ETNK1: variants seen among roughly 807,000 people sequenced by gnomAD.
ETNK1 encodes the protein putative protein product of Nbla10396.
ETNK1 carries 8 observed loss-of-function variants against 45.1 expected under a neutral mutation model. The ratio of observed to expected loss-of-function variants is 0.18; its 90% CI spans 0.10 to 0.32. The LOEUF (loss-of-function observed/expected upper bound fraction) is 0.32, where lower values mean the gene tolerates loss of function less well. Among genes scored for constraint, ETNK1 ranks in the 10% least tolerant of loss-of-function variants. The pLI, the probability that ETNK1 is intolerant of heterozygous loss-of-function variation, is 1.00. For synonymous variants in ETNK1, 152 were observed against 151.9 expected, an observed-to-expected ratio of 1.00 and a Z score of -0.01; for missense variants, 302 against 430.6, an observed-to-expected ratio of 0.70 and a Z score of 2.64.
chr12:22,683,108 C>T (rs1265353182), intron 6 of ETNK1, among the ~76,000 whole-genome samples: 2 of 152,072 alleles, frequency 1.3e-5, no homozygotes, highest in Admixed American at 6.6e-5. Context: ...AGGAAATAAA[C>T]GCACCACGTG....
At chr12:22,664,033 C>T (rs893131756) in intron 4 of ETNK1, among the ~76,000 whole-genome samples, 1 of 151,752 alleles carries the variant, frequency 6.6e-6, no homozygotes, top group Non-Finnish European at 1.5e-5. Context: ...GCTTACTTAA[C>T]CTAGTCTTTA....
intron 7 of ETNK1, 66 bp from the exon 8 acceptor site, chr12:22,684,816 A>G (rs1458159501): frequency 7.7e-7 from 1 of 1,301,350 alleles, no homozygotes; most frequent in Non-Finnish European, 1.1e-6. Flanking sequence ...GGACTGAGTG[A>G]AAATAAGGGA....
intron 4 of ETNK1, among the ~76,000 whole-genome samples, chr12:22,663,752 T>G (rs996884939): frequency 2.6e-5 from 4 of 152,136 alleles, no homozygotes; most frequent in Non-Finnish European, 5.9e-5. Flanking sequence ...TTTGATACAT[T>G]TTTTAGAATT....
chr12:22,658,960 C>A, intron 2 of ETNK1, 54 bp from the exon 3 acceptor site: 1 of 1,550,114 alleles, frequency 6.5e-7, no homozygotes, highest in East Asian at 2.3e-5. Flanking sequence ...TGTCAGGAGA[C>A]ATGACCTTTA....
intron 1 of ETNK1, among the ~76,000 whole-genome samples, chr12:22,638,121 G>A (rs1021308093): frequency 4.6e-5 from 7 of 152,134 alleles, no homozygotes. Flanking sequence ...AAGAAATTTG[G>A]CAGAGAAGGG....
chr12:22,656,200 T>G (rs1953938907), intron 2 of ETNK1, among the ~76,000 whole-genome samples: 1 of 152,210 alleles, frequency 6.6e-6, no homozygotes, highest in African/African-American at 2.4e-5. Context: ...AAGATTACAT[T>G]TTTTTAATAC....
chr12:22,684,302 T>C (rs1220303043), intron 6 of ETNK1, among the ~76,000 whole-genome samples, 181 bp from the exon 7 acceptor site: 1 of 152,116 alleles, frequency 6.6e-6, no homozygotes, highest in Non-Finnish European at 1.5e-5. Context: ...ACGAAAGTGA[T>C]CTGTAGCCAT....
rs1954275871 is a variant in ETNK1 at position 22,688,164 on chromosome 12, A to G, written c.*3210A>G. ...AATTTTTTTCTACAAAAAAACCTTG[A>G]AATTTTAGATATCCCAATGTGAATC... On this transcript the variant is annotated 3_prime_UTR_variant, in exon 8 of 8. Transcript: ENST00000266517. The G allele has an allele frequency of 6.6e-6, 1 of 151,808 alleles. No individual in the cohort carries two copies. Among genetic ancestry groups the G allele is most frequent in the African/African-American group, 2.4e-5 (1 of 41,418 alleles). The allele number at this position is 151,808 out of a possible 1,614,324, so 9.4% of individuals were successfully genotyped here.
intron 1 of ETNK1, among the ~76,000 whole-genome samples, chr12:22,635,336 G>GT (rs1953641925): frequency 1.3e-5 from 2 of 152,246 alleles, no homozygotes; most frequent in African/African-American, 4.8e-5. Context: ...AGAAGGGTGT[G>GT]TGTAGACCAG....
At position 22,679,707 on chromosome 12, in the gene ETNK1, T is replaced by TG. The variant is rs1487759633; in HGVS notation, c.946-4776_946-4775insG. Among the ~76,000 whole-genome samples the TG allele has an allele frequency of 1.6e-4, 24 of 150,922 alleles. No homozygotes were observed. In the East Asian group the frequency reaches 4.7e-3, roughly 29 times the overall value. On this transcript the variant is annotated intron_variant, in intron 6 of 7. Transcript: ENST00000266517. The stretch of plus-strand genomic sequence containing the variant: ...TTTTTTGTTCTTGGTTTTTTGTTTT[T>TG]TTTTTTTTTTTGATATGGAGTCTCA...
At position 22,687,483 on chromosome 12, in the gene ETNK1, T is replaced by A. The variant is rs1954270660; in HGVS notation, c.*2529T>A. 1 of 152,284 alleles carries A rather than the reference T, an allele frequency of 6.6e-6. No homozygotes were observed. The highest frequency in any genetic ancestry group is 2.1e-4 in the South Asian group (1 of 4,830). 9.4% of individuals were successfully genotyped at this position (152,284 alleles called of 1,614,324 possible). A position where few individuals can be genotyped will look rare whatever the true frequency, so the allele number is the denominator to read the frequency against. ...AAGTGGCATTCATGTATATTCAATG[T>A]TAGTCAATAGACCATAGTGGCCTGG... On this transcript the variant is annotated 3_prime_UTR_variant, in exon 8 of 8. Transcript: ENST00000266517.
chr12:22,654,794 G>T (rs1196901146), intron 2 of ETNK1, among the ~76,000 whole-genome samples: 1 of 152,044 alleles, frequency 6.6e-6, no homozygotes, highest in African/African-American at 2.4e-5. Context: ...CATCTTATGT[G>T]GCAGATGTTT....
At position 22,686,003 on chromosome 12, in the gene ETNK1, T is replaced by C. The variant is rs1267010831; in HGVS notation, c.*1049T>C. ...GTTTGATTCTATGTTTTTAGACTGATAGCAAATGATTACTTGATACATGTA... is the reference window on the plus strand; with the variant it reads ...GTTTGATTCTATGTTTTTAGACTGACAGCAAATGATTACTTGATACATGTA... On this transcript the variant is annotated 3_prime_UTR_variant, in exon 8 of 8. Coordinates refer to ENST00000266517, the MANE Select transcript of ETNK1 (RefSeq NM_018638.5). 3 of 152,362 alleles carry C rather than the reference T, an allele frequency of 2.0e-5. No individual in the cohort carries two copies. The highest frequency in any genetic ancestry group is 1.3e-4 in the Admixed American group (2 of 15,258). The allele number at this position is 152,362 out of a possible 1,614,324, so 9.4% of individuals were successfully genotyped here. A position where few individuals can be genotyped will look rare whatever the true frequency, so the allele number is the denominator to read the frequency against.
intron 2 of ETNK1, among the ~76,000 whole-genome samples, chr12:22,650,462 C>T (rs2137543137): frequency 6.6e-6 from 1 of 151,748 alleles, no homozygotes; most frequent in African/African-American, 2.4e-5. Flanking sequence ...CTCTTTATTC[C>T]TAGTTTGCTG....
intron 1 of ETNK1, among the ~76,000 whole-genome samples, chr12:22,642,578 T>C (rs1953753138): frequency 6.6e-6 from 1 of 151,584 alleles, no homozygotes; most frequent in Non-Finnish European, 1.5e-5. Flanking sequence ...TAGTTGTATA[T>C]TATTAATAGT....
intron 1 of ETNK1, among the ~76,000 whole-genome samples, chr12:22,634,124 A>C (rs1953622164): frequency 6.6e-6 from 1 of 152,030 alleles, no homozygotes; most frequent in African/African-American, 2.4e-5. Flanking sequence ...GTTTCTTTTT[A>C]TTCTTAGTTT....
At chr12:22,647,008 A>C (rs1477498833) in intron 2 of ETNK1, among the ~76,000 whole-genome samples, 1 of 151,818 alleles carries the variant, frequency 6.6e-6, no homozygotes, top group Non-Finnish European at 1.5e-5. Flanking sequence ...TTTGAAGGAC[A>C]AGGTAGCCTG....
At chr12:22,682,482 A>G (rs1205838698) in intron 6 of ETNK1, 2 of 281,774 alleles carry the variant, frequency 7.1e-6, no homozygotes, top group Non-Finnish European at 1.4e-5. Context: ...ATTCAACTCA[A>G]AAGTCAGTTA....
In ETNK1 at chr12:22,686,644, C is replaced by A. The variant is rs754014240; in HGVS notation, c.*1690C>A. 1.3e-5 allele frequency: 2 copies of A among 152,008 alleles called. No homozygotes were observed. The highest frequency in any genetic ancestry group is 4.8e-5 in the African/African-American group (2 of 41,360). The allele number at this position is 152,008 out of a possible 1,614,324, so 9.4% of individuals were successfully genotyped here. A position where few individuals can be genotyped will look rare whatever the true frequency, so the allele number is the denominator to read the frequency against. ...TAGACCAGATTTGGTTTCTACCTCC[C>A]CAATGTTATAAATGTTCACTTTTGT... On this transcript the variant is annotated 3_prime_UTR_variant, in exon 8 of 8. Transcript: ENST00000266517.
Sources: allele counts gnomAD v4.1 joint callset (sites outside exome capture counted in the v4.1 genomes callset), GRCh38; gene constraint gnomAD v4.1.1; transcripts MANE v1.5; gene names NCBI Gene and HGNC (gene_info 2026-07-23, HGNC 2026-07-21).